NFE2L3: variants seen among roughly 807,000 people sequenced by gnomAD.
NFE2L3 encodes the protein NFE2 like bZIP transcription factor 3, also known as nuclear factor erythroid 2-related factor 3.
In NFE2L3, 18 loss-of-function variants were observed where a neutral mutation model predicts 23.5. The ratio of observed to expected loss-of-function variants is 0.77; its 90% CI spans 0.53 to 1.13. The LOEUF (loss-of-function observed/expected upper bound fraction) is 1.13. NFE2L3 is among the 50% of genes most tolerant of loss of function. The probability of loss-of-function intolerance (pLI) is 0.00; values close to 1 mark genes in which losing one functional copy is unlikely to be tolerated. For synonymous variants in NFE2L3, 424 were observed against 354.5 expected (o/e 1.20, Z -2.20); for missense variants, 1,152 against 877.2 (o/e 1.31, Z -3.96).
chr7:26,185,178 G>A lies in NFE2L3; in HGVS notation c.1480G>A (p.Val494Ile), dbSNP rs13309707. Residue 494 changes from valine to isoleucine, a missense_variant, in exon 4 of 4, where the codon GTA becomes ATA. Transcript: ENST00000056233. ...CCATGGAGATCTTACATTTCAACAC[G>A]TATTTCATAACCACACTTACCACTT... ...DFHGDLTFQH[V>I]FHNHTYHLQP... 45 of 1,613,598 alleles carry A rather than the reference G, an allele frequency of 2.8e-5. No individual in the cohort carries two copies. The highest frequency in any genetic ancestry group is 9.9e-5 in the South Asian group (9 of 91,078).
chr7:26,170,347 G>A (rs1433543020), intron 1 of NFE2L3, among the ~76,000 whole-genome samples: 1 of 152,104 alleles, frequency 6.6e-6, no homozygotes, highest in Non-Finnish European at 1.5e-5. Flanking sequence ...TTTCGAATCT[G>A]TCCCCACCTC....
Position 26,187,114 on chromosome 7 carries a change from C to G in NFE2L3, c.*1331C>G, listed in dbSNP as rs559271828. Reference sequence around the variant, plus strand: ...GTTGGATTTTTATAATAAAGTTTCCCAAGACCTGTTATTTTGCCAGAAATG... The same window carrying G: ...GTTGGATTTTTATAATAAAGTTTCCGAAGACCTGTTATTTTGCCAGAAATG... On this transcript the variant is annotated 3_prime_UTR_variant, in exon 4 of 4. Transcript: ENST00000056233. The G allele has an allele frequency of 2.0e-5, 3 of 152,102 alleles. No homozygotes were observed. The highest frequency in any genetic ancestry group is 2.9e-5 in the Non-Finnish European group (2 of 68,032). The allele number at this position is 152,102 out of a possible 1,614,324, so 9.4% of individuals were successfully genotyped here.
intron 1 of NFE2L3, among the ~76,000 whole-genome samples, chr7:26,158,060 TA>T (rs113542700): frequency 0.44 from 67,186 of 151,456 alleles, 15,043 homozygotes; most frequent in East Asian, 0.58. Flanking sequence ...TTTTGTTTTT[TA>T]TTTTTGAGAT....
At chr7:26,160,772 C>T (rs1784154792) in intron 1 of NFE2L3, among the ~76,000 whole-genome samples, 1 of 152,236 alleles carries the variant, frequency 6.6e-6, no homozygotes, top group Non-Finnish European at 1.5e-5. Context: ...CAGAGCAACA[C>T]ACAGGTTAGC....
intron 2 of NFE2L3, among the ~76,000 whole-genome samples, chr7:26,179,163 T>C (rs1764248017): frequency 1.4e-5 from 2 of 143,146 alleles, no homozygotes. Context: ...TTCTAGATAC[T>C]AATGAAAATC....
intron 1 of NFE2L3, among the ~76,000 whole-genome samples, chr7:26,155,447 G>GA (rs1177767766): frequency 8.6e-5 from 13 of 151,424 alleles, no homozygotes; most frequent in South Asian, 2.1e-4. Context: ...GTCTCAAAAA[G>GA]AAAAAAAATG....
intron 1 of NFE2L3, among the ~76,000 whole-genome samples, chr7:26,170,021 TG>T (rs1312774911): frequency 6.6e-6 from 1 of 152,128 alleles, no homozygotes; most frequent in Non-Finnish European, 1.5e-5. Context: ...TGGCCTCAGG[TG>T]GGTCACCATA....
At chr7:26,156,780 A>AG in intron 1 of NFE2L3, among the ~76,000 whole-genome samples, 1 of 152,278 alleles carries the variant, frequency 6.6e-6, no homozygotes, top group South Asian at 2.1e-4. Context: ...CTGCTGGGTG[A>AG]GGGGTCTGGT....
chr7:26,165,031 A>G (rs202246738), intron 1 of NFE2L3, among the ~76,000 whole-genome samples: 10,474 of 152,224 alleles, frequency 0.069, 810 homozygotes, highest in East Asian at 0.36. Context: ...TACCAGTACC[A>G]TGCTGTTTTG....
chr7:26,185,329 C>T lies in NFE2L3; in HGVS notation c.1631C>T (p.Ala544Val). 6.2e-7 allele frequency: 1 copy of T among 1,614,090 alleles called. No homozygotes were observed. The highest frequency in any genetic ancestry group is 2.2e-5 in the East Asian group (1 of 44,880). ...NLSRDEQRAK[A>V]LHIPFSVDEI... ...AGCCGTGATGAACAGCGTGCTAAAG[C>T]TTTGCATATCCCTTTTTCTGTAGAT... Residue 544 changes from alanine to valine, a missense_variant, in exon 4 of 4, where the codon GCT becomes GTT. Coordinates refer to ENST00000056233, the MANE Select transcript of NFE2L3 (RefSeq NM_004289.7).
intron 1 of NFE2L3, among the ~76,000 whole-genome samples, chr7:26,166,957 G>C (rs1225536532): frequency 6.6e-6 from 1 of 152,190 alleles, no homozygotes; most frequent in Non-Finnish European, 1.5e-5. Flanking sequence ...AGCTAAAGCA[G>C]TCGAGGCTGT....
At chr7:26,167,529 CT>C (rs35736109) in intron 1 of NFE2L3, among the ~76,000 whole-genome samples, 285 of 147,386 alleles carry the variant, frequency 1.9e-3, no homozygotes, top group African/African-American at 5.4e-3. Flanking sequence ...TGAAAATGTA[CT>C]TTTTTTTTTT....
At position 26,184,701 on chromosome 7, in the gene NFE2L3, A is replaced by G. The variant is rs1562680134; in HGVS notation, c.1003A>G (p.Thr335Ala). Residue 335 changes from threonine to alanine, a missense_variant, in exon 4 of 4, where the codon ACT becomes GCT. Thr to Ala is a moderately conservative substitution (Grantham distance 58, BLOSUM62 0). Transcript: ENST00000056233. ...NTFRRDPTAR[T>A]SQSQEPFLQL... ...ATTTAGAAGAGATCCAACAGCAAGG[A>G]CTTCACAGTCACAAGAACCATTTCT... The G allele has an allele frequency of 6.2e-7, 1 of 1,613,938 alleles. No individual in the cohort carries two copies. The highest frequency in any genetic ancestry group is 8.5e-7 in the Non-Finnish European group (1 of 1,179,860).
At chr7:26,155,612 C>T (rs914276774) in intron 1 of NFE2L3, among the ~76,000 whole-genome samples, 9 of 152,148 alleles carry the variant, frequency 5.9e-5, no homozygotes, top group African/African-American at 1.9e-4. Context: ...ACATCTAGGA[C>T]GTCTCAGTGC....
chr7:26,183,745 A>C lies in NFE2L3; in HGVS notation c.795A>C (p.Leu265Phe). 6.2e-7 allele frequency: 1 copy of C among 1,612,918 alleles called. No homozygotes were observed. Among genetic ancestry groups the C allele is most frequent in the Non-Finnish European group, 8.5e-7 (1 of 1,178,814 alleles). The change falls in exon 3 of 4, where the codon TTA becomes TTC. Residue 265 changes from leucine (L) to phenylalanine (F), a missense_variant. Leu to Phe is a conservative substitution (Grantham distance 22). Coordinates refer to ENST00000056233, the MANE Select transcript of NFE2L3 (RefSeq NM_004289.7). ...GTDTSFSLED[L>F]FQLLSSQPEN... ...ATACTTCTTTCTCTCTGGAAGACTT[A>C]TTCCAGTTGCTTTCATCACAGCCTG...
rs752497096 is a variant in NFE2L3, at chr7:26,185,324, T to G, written c.1626T>G (p.Ala542=). Residue 542 remains alanine, a synonymous_variant, in exon 4 of 4, where the codon GCT becomes GCG. Transcript: ENST00000056233. ...DRNLSRDEQR[A]KALHIPFSVD... ...ACTTGAGCCGTGATGAACAGCGTGC[T>G]AAAGCTTTGCATATCCCTTTTTCTG... 2 of 1,613,830 alleles carry G rather than the reference T, an allele frequency of 1.2e-6. No homozygotes were observed. Among genetic ancestry groups the G allele is most frequent in the South Asian group, 2.2e-5 (2 of 90,880 alleles).
intron 1 of NFE2L3, among the ~76,000 whole-genome samples, chr7:26,160,497 G>T (rs139698404): frequency 2.6e-5 from 4 of 152,312 alleles, no homozygotes; most frequent in Non-Finnish European, 5.9e-5. Context: ...TATACACACA[G>T]ATTTATTTCA....
chr7:26,152,982 A>C lies in NFE2L3; in HGVS notation c.484A>C (p.Ser162Arg), dbSNP rs2128096661. 6.6e-7 allele frequency: 1 copy of C among 1,512,526 alleles called. No homozygotes were observed. The highest frequency in any genetic ancestry group is 1.4e-5 in the African/African-American group (1 of 70,126). 93.7% of individuals were successfully genotyped at this position (1,512,526 alleles called of 1,614,324 possible). A position where few individuals can be genotyped will look rare whatever the true frequency, so the allele number is the denominator to read the frequency against. Residue 162 changes from serine (S) to arginine (R), a missense_variant, in exon 1 of 4, where the codon AGT (serine) becomes CGT (arginine). Ser to Arg is a moderately radical substitution (Grantham distance 110). Transcript: ENST00000056233. The surrounding 1 kb of genome is among the most constrained non-coding windows in gnomAD (Gnocchi z 4.4). Reference sequence around the variant, plus strand: ...CGGCGGGGACCCCCGAGCGGCTCGGAGTGGCCCCTTGGACGCCGGGGAAGA... The same window carrying C: ...CGGCGGGGACCCCCGAGCGGCTCGGCGTGGCCCCTTGGACGCCGGGGAAGA... ...GGGGDPRAARSGPLDAGEEEK... is the reference protein window; with the variant it reads ...GGGGDPRAARRGPLDAGEEEK...
intron 2 of NFE2L3, 116 bp downstream of exon 2, chr7:26,178,238 T>C (rs777475705): frequency 1.3e-6 from 1 of 783,362 alleles, no homozygotes; most frequent in Non-Finnish European, 2.0e-6. Flanking sequence ...TATTAACAAA[T>C]ATGATATATG....
Sources: allele counts gnomAD v4.1 joint callset (sites outside exome capture counted in the v4.1 genomes callset), GRCh38; gene constraint gnomAD v4.1.1; non-coding constraint Gnocchi (gnomAD v3.1); transcripts MANE v1.5; gene names NCBI Gene and HGNC (gene_info 2026-07-23, HGNC 2026-07-21).